Variants in BEND5 observed in about 807,000 individuals in gnomAD.
BEND5 encodes the protein BEN domain containing 5.
Under a neutral mutation model 43.9 loss-of-function variants are expected in BEND5, and 22 were observed. The observed-to-expected ratio is 0.50, with a 90% confidence interval of 0.36 to 0.72. The LOEUF is 0.72. Ranked by LOEUF, BEND5 falls within the 30% of genes least tolerant of loss-of-function variation. BEND5 has a pLI of 0.00. For missense variants in BEND5, 428 were observed against 550.6 expected (o/e 0.78, Z 2.23); for synonymous variants, 228 against 225.9 (o/e 1.01, Z -0.08).
chr1:48,773,247 C>T (rs1890728), intron 1 of BEND5, among the ~76,000 whole-genome samples: 198 of 151,744 alleles, frequency 1.3e-3, no homozygotes, highest in Middle Eastern at 3.4e-3. Flanking sequence ...GTTTGAGCCT[C>T]CTAAAAAAAA....
Position 48,766,904 on chromosome 1 carries a change from G to T in BEND5, c.227-5434C>A, listed in dbSNP as rs193176414. 4.0e-3 allele frequency among the ~76,000 whole-genome samples: 602 copies of T among 152,246 alleles called. 8 individuals are homozygous for T. The highest frequency in any genetic ancestry group is 3.9e-3 in the Non-Finnish European group (265 of 68,022). The stretch of plus-strand genomic sequence containing the variant: ...TATGCTAAGTAGTCCTTGTGTTTTT[G>T]GTCCTTACAACCCAGTATATGATAA... On this transcript the variant is annotated intron_variant, in intron 1 of 5. Transcript: ENST00000371833.
Position 48,736,229 on chromosome 1 carries a change from A to C in BEND5, c.1108+10T>G, listed in dbSNP as rs754741517. On this transcript the variant is annotated intron_variant, in intron 5 of 5. Transcript: ENST00000371833. The surrounding 1 kb of genome is among the most constrained non-coding windows in gnomAD (Gnocchi z 4.0). ...AATCCCAGCCATTGTGTTTCCACTC[A>C]GTGACCTACCTCTGACGATGCTTAG... 8 of 1,611,796 alleles carry C rather than the reference A, an allele frequency of 5.0e-6. No individual in the cohort carries two copies. Among genetic ancestry groups the C allele is most frequent in the Non-Finnish European group, 5.9e-6 (7 of 1,177,924 alleles).
rs1308301395 is a variant in BEND5, at chr1:48,758,931, G to C, written c.714C>G (p.Leu238=). Residue 238 remains leucine (L), a synonymous_variant, in exon 3 of 6, where the codon CTC becomes CTG. Coordinates refer to ENST00000371833, the MANE Select transcript of BEND5 (RefSeq NM_024603.4). The part of the protein sequence containing the change: ...MKELRDLNRR[L]QDVLLLRLGS... ...CAAGCCGCAGGAGCAGCACGTCCTG[G>C]AGCCTCCGGTTAAGGTCACGGAGCT... is the stretch of plus-strand genomic sequence containing the variant. 6.4e-7 allele frequency: 1 copy of C among 1,569,060 alleles called. No homozygotes were observed. Among genetic ancestry groups the C allele is most frequent in the African/African-American group, 1.4e-5 (1 of 73,446 alleles).
intron 4 of BEND5, 81 bp downstream of exon 4, chr1:48,742,542 G>T: frequency 7.6e-7 from 1 of 1,315,256 alleles, no homozygotes; most frequent in Non-Finnish European, 9.9e-7. Flanking sequence ...GCTGCGATTT[G>T]GAAAGCTCCC....
chr1:48,736,212 C>A lies in BEND5; in HGVS notation c.1108+27G>T. 5 of 1,591,024 alleles carry A rather than the reference C, an allele frequency of 3.1e-6. No individual in the cohort carries two copies. Among genetic ancestry groups the A allele is most frequent in the Non-Finnish European group, 4.3e-6 (5 of 1,159,166 alleles). ...GACAGAGTAAAAGACAGAATCCCAG[C>A]CATTGTGTTTCCACTCAGTGACCTA... On this transcript the variant is annotated intron_variant, in intron 5 of 5. Coordinates refer to ENST00000371833, the MANE Select transcript of BEND5 (RefSeq NM_024603.4). The surrounding 1 kb of genome is among the most constrained non-coding windows in gnomAD (Gnocchi z 4.0).
intron 1 of BEND5, among the ~76,000 whole-genome samples, chr1:48,770,183 G>A (rs1280143580): frequency 6.6e-6 from 1 of 152,146 alleles, no homozygotes; most frequent in Non-Finnish European, 1.5e-5. Context: ...TTCCTCTGTG[G>A]TGCAAAACTG....
chr1:48,734,255 C>T (rs1453060284), intron 5 of BEND5, among the ~76,000 whole-genome samples: 6 of 152,158 alleles, frequency 3.9e-5, no homozygotes, highest in East Asian at 1.9e-4. Context: ...CCAGAGTCGG[C>T]GGGTGTGTGT....
At chr1:48,772,461 T>C (rs1934378) in intron 1 of BEND5, among the ~76,000 whole-genome samples, 148,534 of 152,222 alleles carry the variant, frequency 0.98, 72,560 homozygotes, top group East Asian at 1. Flanking sequence ...TTAATCCACC[T>C]TGGCTGGCTC....
chr1:48,740,184 C>T (rs1259926760), intron 4 of BEND5, among the ~76,000 whole-genome samples: 1 of 152,182 alleles, frequency 6.6e-6, no homozygotes, highest in Non-Finnish European at 1.5e-5. Flanking sequence ...TTTGCTATGA[C>T]CAATCACAGG....
chr1:48,768,007 G>A (rs1644615362), intron 1 of BEND5, among the ~76,000 whole-genome samples: 1 of 152,182 alleles, frequency 6.6e-6, no homozygotes, highest in African/African-American at 2.4e-5. Context: ...AGCAGAAACT[G>A]AGGCTCAAAG....
intron 1 of BEND5, among the ~76,000 whole-genome samples, chr1:48,769,437 C>A (rs1644694161): frequency 6.6e-6 from 1 of 151,664 alleles, no homozygotes; most frequent in Non-Finnish European, 1.5e-5. Flanking sequence ...CAATAAATGC[C>A]CCCAGGATAG....
chr1:48,760,495 T>C (rs1031550222), intron 2 of BEND5, among the ~76,000 whole-genome samples: 34 of 152,326 alleles, frequency 2.2e-4, no homozygotes, highest in South Asian at 8.3e-4. Flanking sequence ...GTGCTACTAG[T>C]GTAGATGAAT....
chr1:48,742,677 G>A lies in BEND5; in HGVS notation c.840C>T (p.Ser280=), dbSNP rs769416308. 18 of 1,611,260 alleles carry A rather than the reference G, an allele frequency of 1.1e-5. No individual in the cohort carries two copies. Among genetic ancestry groups the A allele is most frequent in the Non-Finnish European group, 1.4e-5 (17 of 1,178,678 alleles). Residue 280 remains serine (S), a synonymous_variant, in exon 4 of 6, where the codon TCC becomes TCT. Transcript: ENST00000371833. Reference sequence around the variant, plus strand: ...TGACAGGCGCAGGAGCGGGGTAATAGGACGACGTATTTGCTTCCTCACTGA... The same window carrying A: ...TGACAGGCGCAGGAGCGGGGTAATAAGACGACGTATTTGCTTCCTCACTGA... ...STFSEEANTS[S]YYPAPAPVMD...
intron 1 of BEND5, among the ~76,000 whole-genome samples, chr1:48,770,788 C>T (rs1248281788): frequency 6.6e-6 from 1 of 152,192 alleles, no homozygotes; most frequent in Admixed American, 6.5e-5. Flanking sequence ...CACATTATTA[C>T]AACCAGTCAG....
intron 3 of BEND5, among the ~76,000 whole-genome samples, chr1:48,758,123 AC>A (rs747258234): frequency 2.6e-5 from 4 of 152,166 alleles, no homozygotes; most frequent in Non-Finnish European, 4.4e-5. Context: ...CAATATAAGA[AC>A]CTATTAAGTT....
At chr1:48,733,009 G>A (rs1246080687) in intron 5 of BEND5, among the ~76,000 whole-genome samples, 1 of 152,218 alleles carries the variant, frequency 6.6e-6, no homozygotes, top group African/African-American at 2.4e-5. Flanking sequence ...AGACGAGGAA[G>A]TCACTGGGGA....
At chr1:48,771,549 G>A (rs1158469613) in intron 1 of BEND5, among the ~76,000 whole-genome samples, 1 of 152,166 alleles carries the variant, frequency 6.6e-6, no homozygotes, top group Non-Finnish European at 1.5e-5. Context: ...AGTAGAATCC[G>A]CAACAGATGA....
At chr1:48,740,636 A>T (rs1342573761) in intron 4 of BEND5, among the ~76,000 whole-genome samples, 1 of 152,206 alleles carries the variant, frequency 6.6e-6, no homozygotes, top group Non-Finnish European at 1.5e-5. Flanking sequence ...ATGGAACTTG[A>T]TCAAAATATA....
At chr1:48,738,303 A>T (rs553290629) in intron 4 of BEND5, among the ~76,000 whole-genome samples, 2 of 152,374 alleles carry the variant, frequency 1.3e-5, no homozygotes, top group East Asian at 3.9e-4. Context: ...TGCTGCAGGC[A>T]ATCAGATAAC....
Sources: gnomAD v4.1 joint callset for allele counts (sites outside exome capture counted in the v4.1 genomes callset) on GRCh38, gnomAD v4.1.1 for gene constraint, Gnocchi (gnomAD v3.1) non-coding constraint, MANE v1.5 for transcripts, NCBI Gene and HGNC (gene_info 2026-07-23, HGNC 2026-07-21) for gene names.